Variants in ADAMTSL3 observed in about 807,000 individuals in gnomAD.
ADAMTSL3 encodes the protein ADAMTS like 3, also known as ADAMTS-like protein 3.
ADAMTSL3 carries 128 observed loss-of-function variants against 201.7 expected under a neutral mutation model. That is an observed-to-expected ratio of 0.63 (90% CI 0.55 to 0.73). The LOEUF (loss-of-function observed/expected upper bound fraction) is 0.73. Among genes scored for constraint, ADAMTSL3 ranks in the 30% least tolerant of loss-of-function variants. The probability of loss-of-function intolerance (pLI) is 0.00; values close to 1 mark genes in which losing one functional copy is unlikely to be tolerated. For missense variants in ADAMTSL3, 1,990 were observed against 2,119.6 expected, an observed-to-expected ratio of 0.94 and a Z score of 1.20; for synonymous variants, 738 against 748.4, an observed-to-expected ratio of 0.99 and a Z score of 0.23.
intron 17 of ADAMTSL3, among the ~76,000 whole-genome samples, chr15:83,933,597 A>G (rs755168525): frequency 3.9e-5 from 6 of 152,242 alleles, no homozygotes; most frequent in Admixed American, 6.5e-5. Flanking sequence ...AAAAATTTGT[A>G]TAAGTAACAA....
intron 16 of ADAMTSL3, 90 bp from the exon 17 acceptor site, chr15:83,923,814 T>C (rs911555812): frequency 8.7e-6 from 13 of 1,488,162 alleles, no homozygotes; most frequent in South Asian, 2.5e-5. Flanking sequence ...GGCAGTATGC[T>C]AAGAATGAGA....
chr15:84,028,200 G>A (rs140500128), intron 27 of ADAMTSL3, among the ~76,000 whole-genome samples: 6 of 152,206 alleles, frequency 3.9e-5, no homozygotes, highest in Admixed American at 6.5e-5. Context: ...TCTAAATTCC[G>A]TTAACATTCG....
At chr15:83,851,732 T>G (rs1297230552) in intron 7 of ADAMTSL3, among the ~76,000 whole-genome samples, 1 of 152,204 alleles carries the variant, frequency 6.6e-6, no homozygotes, top group Non-Finnish European at 1.5e-5. Flanking sequence ...TGTGTATCCT[T>G]CCGGGGATGA....
chr15:84,008,730 ATGTCCACATGCC>A (rs2067945685), intron 23 of ADAMTSL3, among the ~76,000 whole-genome samples: 1 of 152,128 alleles, frequency 6.6e-6, no homozygotes, highest in African/African-American at 2.4e-5. Flanking sequence ...CTAGATTAAC[ATGTCCACATGCC>A]TGCTCAGCAT....
intron 19 of ADAMTSL3, among the ~76,000 whole-genome samples, chr15:83,970,236 G>A (rs1259416046): frequency 6.6e-6 from 1 of 151,696 alleles, no homozygotes; most frequent in Admixed American, 6.6e-5. Context: ...GGGGGAGGGC[G>A]GTAGAGAGGA....
intron 2 of ADAMTSL3, 52 bp from the exon 3 acceptor site, chr15:83,704,337 C>T: frequency 1.2e-6 from 2 of 1,612,636 alleles, no homozygotes; most frequent in South Asian, 1.1e-5. Context: ...CTTTACCTGT[C>T]AGGGGGTCCT....
intron 20 of ADAMTSL3, 109 bp downstream of exon 20, chr15:83,970,746 A>G (rs2067182077): frequency 7.2e-7 from 1 of 1,380,852 alleles, no homozygotes; most frequent in South Asian, 1.3e-5. Flanking sequence ...GGGTAAGGCA[A>G]CTCAAGCTGT....
At chr15:84,011,143 T>C (rs373796388) in intron 23 of ADAMTSL3, among the ~76,000 whole-genome samples, 1 of 152,240 alleles carries the variant, frequency 6.6e-6, no homozygotes, top group South Asian at 2.1e-4. Context: ...TGGCAATAGT[T>C]GTATTGCATT....
At chr15:83,755,048 A>G (rs2062697333) in intron 3 of ADAMTSL3, among the ~76,000 whole-genome samples, 1 of 152,178 alleles carries the variant, frequency 6.6e-6, no homozygotes, top group African/African-American at 2.4e-5. Flanking sequence ...TCAAAGTTTA[A>G]TGTTTAAATG....
intron 19 of ADAMTSL3, among the ~76,000 whole-genome samples, chr15:83,965,349 C>CAAAAAA (rs143907808): frequency 3.3e-4 from 32 of 98,382 alleles, no homozygotes; most frequent in Admixed American, 4.6e-4. Context: ...AAATGGAAAG[C>CAAAAAA]AAAAAAAAAA....
At chr15:83,966,592 C>T (rs531896925) in intron 19 of ADAMTSL3, among the ~76,000 whole-genome samples, 1 of 152,222 alleles carries the variant, frequency 6.6e-6, no homozygotes, top group African/African-American at 2.4e-5. Flanking sequence ...TGAATTCCAC[C>T]AGAGGTACAA....
intron 6 of ADAMTSL3, among the ~76,000 whole-genome samples, chr15:83,829,732 GT>G (rs1203861376): frequency 6.6e-6 from 1 of 152,070 alleles, no homozygotes; most frequent in Non-Finnish European, 1.5e-5. Flanking sequence ...TTGTGTCTTT[GT>G]TCTCATAGGT....
At chr15:84,035,714 G>A (rs1406285127) in intron 28 of ADAMTSL3, among the ~76,000 whole-genome samples, 2 of 152,106 alleles carry the variant, frequency 1.3e-5, no homozygotes, top group African/African-American at 4.8e-5. Context: ...GCCCTGATAA[G>A]GAACCTTTAA....
intron 5 of ADAMTSL3, among the ~76,000 whole-genome samples, chr15:83,809,075 G>A (rs2063651728): frequency 6.6e-6 from 1 of 152,078 alleles, no homozygotes; most frequent in African/African-American, 2.4e-5. Flanking sequence ...GTTGCACAGT[G>A]GAGTAGCTAT....
rs1410008448 is a variant in ADAMTSL3 at position 83,970,579 on chromosome 15, G to T, written c.2586G>T (p.Met862Ile). The change falls in exon 20 of 30, where the codon ATG becomes ATT. Residue 862 changes from methionine (M) to isoleucine (I), a missense_variant. Met to Ile is a conservative substitution (Grantham distance 10, BLOSUM62 1). Transcript: ENST00000286744. The stretch of plus-strand genomic sequence containing the variant: ...GGCGCATCCCCCTCAGTGAGATGAT[G>T]TGCAGGGATCTACCAGGGCTCCCTC... The part of the protein sequence containing the change: ...KGRRIPLSEM[M>I]CRDLPGLPLV... 5.6e-6 allele frequency: 9 copies of T among 1,614,110 alleles called. No homozygotes were observed. The highest frequency in any genetic ancestry group is 2.2e-5 in the East Asian group (1 of 44,898).
chr15:83,895,187 T>A (rs972125666), intron 13 of ADAMTSL3, among the ~76,000 whole-genome samples: 2 of 152,218 alleles, frequency 1.3e-5, no homozygotes, highest in African/African-American at 4.8e-5. Flanking sequence ...TCATCAAAAA[T>A]TATTTTTAAG....
At chr15:83,866,638 T>G (rs928121257) in intron 8 of ADAMTSL3, among the ~76,000 whole-genome samples, 1 of 152,030 alleles carries the variant, frequency 6.6e-6, no homozygotes, top group Non-Finnish European at 1.5e-5. Context: ...AGGGATAGCA[T>G]TAGGAGATAT....
intron 2 of ADAMTSL3, among the ~76,000 whole-genome samples, chr15:83,693,839 G>C (rs1266078327): frequency 6.6e-6 from 1 of 152,164 alleles, no homozygotes; most frequent in Non-Finnish European, 1.5e-5. Context: ...GCACATAGTA[G>C]GTGCTTAATA....
At chr15:83,748,455 C>A (rs1398283825) in intron 3 of ADAMTSL3, among the ~76,000 whole-genome samples, 2 of 151,850 alleles carry the variant, frequency 1.3e-5, no homozygotes, top group Non-Finnish European at 2.9e-5. Context: ...TGAGACTAGC[C>A]TGGGCAACAT....
Sources: gnomAD v4.1 joint callset for allele counts (sites outside exome capture counted in the v4.1 genomes callset) on GRCh38, gnomAD v4.1.1 for gene constraint, MANE v1.5 for transcripts, NCBI Gene and HGNC (gene_info 2026-07-23, HGNC 2026-07-21) for gene names.